The following SLC25A26 variants were observed in gnomAD, a reference collection of about 807,000 sequenced individuals.
SLC25A26 encodes the protein solute carrier family 25 member 26, also known as mitochondrial S-adenosylmethionine carrier protein.
SLC25A26 carries 36 observed loss-of-function variants against 37.8 expected under a neutral mutation model. The ratio of observed to expected loss-of-function variants is 0.95; its 90% confidence interval spans 0.73 to 1.26. The LOEUF is 1.26. SLC25A26 is among the 50% of genes most tolerant of loss of function. The probability of loss-of-function intolerance (pLI) is 0.00; values close to 1 mark genes in which losing one functional copy is unlikely to be tolerated. For synonymous variants in SLC25A26, 129 were observed against 122.5 expected (o/e 1.05, Z -0.35); for missense variants, 390 against 331.1 (o/e 1.18, Z -1.38).
At chr3:66,313,703 C>T (rs992617489) in intron 5 of SLC25A26, among the ~76,000 whole-genome samples, 1 of 152,096 alleles carries the variant, frequency 6.6e-6, no homozygotes, top group African/African-American at 2.4e-5. Context: ...CTATAAATTA[C>T]TTAGGGTGGT....
At chr3:66,322,133 G>T (rs1213334293) in intron 5 of SLC25A26, among the ~76,000 whole-genome samples, 2 of 152,100 alleles carry the variant, frequency 1.3e-5, no homozygotes, top group African/African-American at 2.4e-5. Flanking sequence ...TGCTTATAAG[G>T]TATGAAATGA....
chr3:66,375,261 C>G (rs1193659999), intron 9 of SLC25A26, among the ~76,000 whole-genome samples: 9 of 152,218 alleles, frequency 5.9e-5, no homozygotes, highest in African/African-American at 2.2e-4. Context: ...GAAGTCATCT[C>G]TGTAACACAG....
At chr3:66,134,509 A>G (rs998824612) in intron 1 of SLC25A26, among the ~76,000 whole-genome samples, 2 of 152,206 alleles carry the variant, frequency 1.3e-5, no homozygotes, top group Admixed American at 1.3e-4. Context: ...GCAGAACTTC[A>G]CTGGAAATCT....
At position 66,248,756 on chromosome 3, in the gene SLC25A26, T is replaced by C. The variant is rs57588398; in HGVS notation, c.300+5444T>C. ...TGAAAAAGCTAGGAAATAAATGATA[T>C]CATGTTTTGTAAATGTTTTTCTGAC... On this transcript the variant is annotated intron_variant, in intron 3 of 9. Transcript: ENST00000354883. Among the ~76,000 whole-genome samples the C allele has an allele frequency of 7.3e-3, 1,110 of 152,270 alleles. 16 individuals carry two copies. The highest frequency in any genetic ancestry group is 0.024 in the African/African-American group (1,012 of 41,530).
chr3:66,377,559 G>A (rs1175571175), intron 9 of SLC25A26, 131 bp from the exon 10 acceptor site: 2 of 626,594 alleles, frequency 3.2e-6, no homozygotes, highest in Non-Finnish European at 5.7e-6. Flanking sequence ...CCTTATTTGG[G>A]AGCGTTCACA....
chr3:66,314,761 GT>G (rs71105979), intron 5 of SLC25A26, among the ~76,000 whole-genome samples: 15 of 143,624 alleles, frequency 1.0e-4, no homozygotes, highest in South Asian at 4.5e-4. Flanking sequence ...GCTTTTTTTT[GT>G]TTTTTTTTTT....
intron 1 of SLC25A26, among the ~76,000 whole-genome samples, chr3:66,154,471 G>A (rs1218971159): frequency 6.6e-6 from 1 of 151,962 alleles, no homozygotes; most frequent in Non-Finnish European, 1.5e-5. Flanking sequence ...GAAAAACCCT[G>A]GGCTTTGGAG....
chr3:66,241,993 C>A (rs782379328), intron 2 of SLC25A26, among the ~76,000 whole-genome samples: 1 of 151,938 alleles, frequency 6.6e-6, no homozygotes, highest in Non-Finnish European at 1.5e-5. Context: ...CTTGTTCAGC[C>A]CCCAACTTGG....
At chr3:66,180,910 A>T (rs1354776591) in intron 1 of SLC25A26, among the ~76,000 whole-genome samples, 1 of 152,150 alleles carries the variant, frequency 6.6e-6, no homozygotes, top group Non-Finnish European at 1.5e-5. Flanking sequence ...GTGGGGACCT[A>T]ATCCAATAGG....
chr3:66,320,468 A>T (rs1024699866), intron 5 of SLC25A26, among the ~76,000 whole-genome samples: 6 of 152,196 alleles, frequency 3.9e-5, no homozygotes, highest in Non-Finnish European at 1.5e-5. Flanking sequence ...ATTACATGGC[A>T]TGGATATACT....
intron 6 of SLC25A26, among the ~76,000 whole-genome samples, 180 bp from the exon 7 acceptor site, chr3:66,362,680 C>A (rs916782529): frequency 3.9e-5 from 6 of 152,194 alleles, no homozygotes; most frequent in African/African-American, 1.4e-4. Context: ...CTGTCACTCT[C>A]ATTTCTGTGA....
chr3:66,159,767 C>G (rs1212678532), intron 1 of SLC25A26, among the ~76,000 whole-genome samples: 1 of 152,106 alleles, frequency 6.6e-6, no homozygotes, highest in East Asian at 1.9e-4. Context: ...ACAGCAAAGC[C>G]TATAGTAACT....
At chr3:66,340,138 C>A (rs1243728334) in intron 5 of SLC25A26, among the ~76,000 whole-genome samples, 2 of 152,044 alleles carry the variant, frequency 1.3e-5, no homozygotes, top group East Asian at 3.8e-4. Flanking sequence ...TGGTCTGGCA[C>A]CCTTTTCGAA....
chr3:66,319,668 A>C (rs1253798534), intron 5 of SLC25A26, among the ~76,000 whole-genome samples: 1 of 152,130 alleles, frequency 6.6e-6, no homozygotes, highest in Non-Finnish European at 1.5e-5. Flanking sequence ...TGTAGACAAA[A>C]CAAAAAAAAT....
At chr3:66,270,341 G>C (rs2073915480) in intron 5 of SLC25A26, among the ~76,000 whole-genome samples, 1 of 152,086 alleles carries the variant, frequency 6.6e-6, no homozygotes, top group Non-Finnish European at 1.5e-5. Flanking sequence ...CTTCTAATGT[G>C]AAATTGTTTT....
intron 9 of SLC25A26, among the ~76,000 whole-genome samples, chr3:66,377,383 T>G (rs1700727398): frequency 1.3e-5 from 2 of 152,106 alleles, no homozygotes; most frequent in African/African-American, 2.4e-5. Flanking sequence ...ATCTCTTCAC[T>G]GAGCAACCCC....
chr3:66,236,231 T>TAG lies in SLC25A26; in HGVS notation c.34-313_34-312insAG, dbSNP rs2072275166. ...CTTTTTTTTTTTTTTTTTTTTTTTT[T>TAG]TTGGCTTTTTGAACCATGTGAGTAC... On this transcript the variant is annotated intron_variant, in intron 1 of 9. Coordinates refer to ENST00000354883, the MANE Select transcript of SLC25A26 (RefSeq NM_001379210.1). Among the ~76,000 whole-genome samples the TAG allele has an allele frequency of 4.5e-5, 2 of 44,090 alleles. 1 individual carries two copies. Among genetic ancestry groups the TAG allele is most frequent in the African/African-American group, 1.6e-4 (2 of 12,754 alleles). 28.9% of individuals were successfully genotyped at this position (44,090 alleles called of 152,430 possible). A position where few individuals can be genotyped will look rare whatever the true frequency, so the allele number is the denominator to read the frequency against.
intron 5 of SLC25A26, among the ~76,000 whole-genome samples, chr3:66,295,405 GTTT>G (rs10672736): frequency 8.3e-6 from 1 of 120,968 alleles, no homozygotes; most frequent in Non-Finnish European, 1.7e-5. Context: ...TTGTATTTTT[GTTT>G]TTTTTTTTTT....
intron 4 of SLC25A26, 48 bp from the exon 5 acceptor site, chr3:66,263,284 G>T (rs1308909190): frequency 6.9e-7 from 1 of 1,452,160 alleles, no homozygotes; most frequent in Non-Finnish European, 9.6e-7. Flanking sequence ...ATGTCCTTCA[G>T]AAATCTCTGC....
Sources: gnomAD v4.1 joint callset for allele counts (sites outside exome capture counted in the v4.1 genomes callset) on GRCh38, gnomAD v4.1.1 for gene constraint, MANE v1.5 for transcripts, NCBI Gene and HGNC (gene_info 2026-07-23, HGNC 2026-07-21) for gene names.